Variants in NBAS observed in about 807,000 individuals in gnomAD.
NBAS encodes the protein NAG/BC035112 fusion.
A neutral mutation model predicts 302.5 loss-of-function variants in NBAS; 219 were observed. The observed-to-expected ratio is 0.72, with a 90% CI of 0.65 to 0.81. The LOEUF is 0.81. NBAS is among the 30% of genes least tolerant of loss of function. NBAS has a pLI of 0.00. For missense variants in NBAS, 2,932 were observed against 2,841.6 expected (o/e 1.03, Z -0.72); for synonymous variants, 1,118 against 1,021.6 (o/e 1.09, Z -1.80).
At chr2:15,259,234 T>C (rs545456174) in intron 44 of NBAS, among the ~76,000 whole-genome samples, 2 of 152,346 alleles carry the variant, frequency 1.3e-5, no homozygotes, top group East Asian at 3.9e-4. Context: ...GAAACATGAT[T>C]TTAAGCACAA....
intron 28 of NBAS, among the ~76,000 whole-genome samples, chr2:15,387,697 T>C (rs1255498364): frequency 6.6e-6 from 1 of 151,930 alleles, no homozygotes; most frequent in Non-Finnish European, 1.5e-5. Context: ...AGTGGCAAGA[T>C]CTCGGCTCAA....
the NBAS span, among the ~76,000 whole-genome samples, chr2:14,875,247 A>T: frequency 6.6e-6 from 1 of 151,806 alleles, no homozygotes; most frequent in East Asian, 1.9e-4. Flanking sequence ...ACCAAAAAAA[A>T]CAAACAAAAC....
chr2:14,995,488 T>C, the NBAS span, among the ~76,000 whole-genome samples: 2 of 152,216 alleles, frequency 1.3e-5, no homozygotes, highest in African/African-American at 4.8e-5. Context: ...TCTAAGCCCT[T>C]GGGCTGGGTC....
chr2:15,553,840 C>A (rs1664505705), intron 4 of NBAS, among the ~76,000 whole-genome samples: 1 of 135,806 alleles, frequency 7.4e-6, no homozygotes, highest in Admixed American at 7.3e-5. Context: ...CTCCCTCTCT[C>A]CCTCTTCCTC....
chr2:15,540,340 C>G (rs1456676951), intron 6 of NBAS, among the ~76,000 whole-genome samples: 1 of 151,980 alleles, frequency 6.6e-6, no homozygotes, highest in Non-Finnish European at 1.5e-5. Context: ...CTCAAAAATG[C>G]TCCAGAAACG....
intron 28 of NBAS, among the ~76,000 whole-genome samples, chr2:15,392,228 A>G (rs1470437955): frequency 6.6e-6 from 1 of 151,896 alleles, no homozygotes; most frequent in Non-Finnish European, 1.5e-5. Flanking sequence ...TTTAACATAC[A>G]TAAAAGTAAA....
intron 35 of NBAS, among the ~76,000 whole-genome samples, chr2:15,343,495 C>T (rs994873369): frequency 1.3e-5 from 2 of 152,034 alleles, no homozygotes; most frequent in African/African-American, 4.8e-5. Context: ...TCATTTAAAA[C>T]TTCAAAATAA....
chr2:15,094,112 T>C, the NBAS span, among the ~76,000 whole-genome samples: 4 of 152,228 alleles, frequency 2.6e-5, no homozygotes, highest in African/African-American at 7.2e-5. Flanking sequence ...TCACATTTGA[T>C]GGCTCTCCTT....
intron 38 of NBAS, among the ~76,000 whole-genome samples, chr2:15,326,926 T>TG (rs1410923428): frequency 2.0e-5 from 3 of 152,114 alleles, no homozygotes; most frequent in Non-Finnish European, 2.9e-5. Context: ...TATCAGCTTT[T>TG]GGGGGGAATT....
intron 48 of NBAS, among the ~76,000 whole-genome samples, chr2:15,194,108 C>A (rs1472379107): frequency 6.6e-6 from 1 of 151,884 alleles, no homozygotes; most frequent in Non-Finnish European, 1.5e-5. Context: ...CAGAATCCCA[C>A]AAGAAAAGGA....
the NBAS span, among the ~76,000 whole-genome samples, chr2:14,856,466 G>T: frequency 6.6e-6 from 1 of 150,700 alleles, no homozygotes; most frequent in Non-Finnish European, 1.5e-5. Flanking sequence ...AGGTACCAGG[G>T]ACCAATCCTG....
the NBAS span, among the ~76,000 whole-genome samples, chr2:14,840,214 C>T: frequency 0.21 from 32,131 of 151,456 alleles, 5,530 homozygotes; most frequent in African/African-American, 0.47. Context: ...CTCAAAGATA[C>T]ACTATTTACA....
chr2:15,184,162 G>C (rs1664960116), intron 50 of NBAS, among the ~76,000 whole-genome samples: 1 of 152,136 alleles, frequency 6.6e-6, no homozygotes, highest in Admixed American at 6.5e-5. Flanking sequence ...CATGGACACA[G>C]ATATGTCTAG....
intron 11 of NBAS, among the ~76,000 whole-genome samples, chr2:15,494,149 G>A (rs1207005595): frequency 6.6e-6 from 1 of 152,158 alleles, no homozygotes; most frequent in Non-Finnish European, 1.5e-5. Context: ...GTTAAAGTAA[G>A]TCTTAAATTT....
chr2:15,002,666 C>T, the NBAS span, among the ~76,000 whole-genome samples: 1 of 152,224 alleles, frequency 6.6e-6, no homozygotes, highest in East Asian at 1.9e-4. Flanking sequence ...GCTGCAGGTC[C>T]CGAGCCCTGC....
chr2:15,134,936 T>A, the NBAS span, among the ~76,000 whole-genome samples: 1 of 152,212 alleles, frequency 6.6e-6, no homozygotes, highest in East Asian at 1.9e-4. Context: ...CCAGGTTTGC[T>A]TTTTATGGCA....
chr2:15,190,889 A>G (rs1281570748), intron 48 of NBAS, among the ~76,000 whole-genome samples: 3 of 152,202 alleles, frequency 2.0e-5, no homozygotes, highest in Non-Finnish European at 2.9e-5. Context: ...CTTTTTTGCT[A>G]TAAATCAAAA....
In NBAS at chr2:15,317,732, G is replaced by T. The variant is rs192665952; in HGVS notation, c.4583-8485C>A. ...AAAAAGAAACAAACAAAGCCTCCAA[G>T]AAATATGGGACTATGTGAAAAGACC... On this transcript the variant is annotated intron_variant, in intron 38 of 51. Coordinates refer to ENST00000281513, the MANE Select transcript of NBAS (RefSeq NM_015909.4). Among the ~76,000 whole-genome samples, 191 of 152,288 alleles carry T rather than the reference G, an allele frequency of 1.3e-3. 2 individuals are homozygous for T. The highest frequency in any genetic ancestry group is 3.9e-3 in the African/African-American group (164 of 41,566).
At chr2:15,091,474 T>G in the NBAS span, among the ~76,000 whole-genome samples, 1 of 152,180 alleles carries the variant, frequency 6.6e-6, no homozygotes. Context: ...CTCTTCCTTG[T>G]GGTTTTTTTG....
Sources: allele counts gnomAD v4.1 joint callset (sites outside exome capture counted in the v4.1 genomes callset), GRCh38; gene constraint gnomAD v4.1.1; transcripts MANE v1.5; gene names NCBI Gene and HGNC (gene_info 2026-07-23, HGNC 2026-07-21).